The following WDR19 variants were observed in gnomAD, a reference collection of about 807,000 sequenced individuals.
WDR19 encodes the protein WD repeat-containing protein 19.
Under a neutral mutation model 180.0 loss-of-function variants are expected in WDR19, and 121 were observed. That is an observed-to-expected ratio of 0.67 (90% CI 0.58 to 0.78). The LOEUF is 0.78. Among genes scored for constraint, WDR19 ranks in the 30% least tolerant of loss-of-function variants. The pLI is 0.00. For missense variants in WDR19, 1,450 were observed against 1,640.7 expected, an observed-to-expected ratio of 0.88 and a Z score of 2.01; for synonymous variants, 497 against 540.7, an observed-to-expected ratio of 0.92 and a Z score of 1.12.
chr4:39,249,086 A>C (rs894014864), intron 24 of WDR19, among the ~76,000 whole-genome samples: 3 of 152,230 alleles, frequency 2.0e-5, no homozygotes, highest in Admixed American at 6.5e-5. Context: ...TTGACCACAT[A>C]GTTGGAAGTA....
intron 4 of WDR19, among the ~76,000 whole-genome samples, chr4:39,193,197 T>C (rs1159272457): frequency 1.3e-5 from 2 of 151,130 alleles, no homozygotes; most frequent in African/African-American, 4.9e-5. Context: ...AGTCTCACTG[T>C]GTCGCCCAGG....
intron 14 of WDR19, 132 bp downstream of exon 14, chr4:39,218,237 T>A: frequency 8.8e-7 from 1 of 1,140,134 alleles, no homozygotes; most frequent in Non-Finnish European, 1.2e-6. Flanking sequence ...TATCTGTGAT[T>A]AATTATATAC....
At chr4:39,228,840 C>A in intron 17 of WDR19, 150 bp downstream of exon 17, 1 of 855,236 alleles carries the variant, frequency 1.2e-6, no homozygotes, top group Non-Finnish European at 1.7e-6. Flanking sequence ...AGTACAAGTG[C>A]AGTTGTGCTA....
rs1730524200 is a variant in WDR19, at chr4:39,228,538, T to C, written c.1830T>C (p.Pro610=). The stretch of plus-strand genomic sequence containing the variant: ...CCAAAGTTCCTTTTGCTCATAAACC[T>C]TTGCTGCTATATAATGGAGAGCTGA... ...GSTKVPFAHK[P]LLLYNGELTC... The change falls in exon 17 of 37, where the codon CCT becomes CCC. Residue 610 remains proline, a synonymous_variant. Coordinates refer to ENST00000399820, the MANE Select transcript of WDR19 (RefSeq NM_025132.4). The C allele has an allele frequency of 6.2e-7, 1 of 1,613,844 alleles. No homozygotes were observed.
At chr4:39,272,824 A>G (rs958731245) in intron 31 of WDR19, among the ~76,000 whole-genome samples, 156 bp from the exon 32 acceptor site, 1 of 152,208 alleles carries the variant, frequency 6.6e-6, no homozygotes, top group Non-Finnish European at 1.5e-5. Flanking sequence ...AAGAGAAAAA[A>G]GTGGAGGGAT....
chr4:39,228,728 G>T, intron 17 of WDR19, 38 bp downstream of exon 17: 13 of 1,470,474 alleles, frequency 8.8e-6, no homozygotes, highest in South Asian at 6.3e-5. Flanking sequence ...CTTCTCATTT[G>T]CTTTTGTGAT....
intron 21 of WDR19, among the ~76,000 whole-genome samples, chr4:39,243,359 C>T (rs1326797796): frequency 1.3e-5 from 2 of 151,922 alleles, no homozygotes; most frequent in Non-Finnish European, 2.9e-5. Context: ...ATTTTATAAG[C>T]AAAAAAATAT....
chr4:39,215,529 G>A (rs938202037), intron 10 of WDR19, among the ~76,000 whole-genome samples: 4 of 152,054 alleles, frequency 2.6e-5, no homozygotes, highest in African/African-American at 4.8e-5. Flanking sequence ...ATTTGATCTA[G>A]GTTTGTGTAA....
chr4:39,253,904 A>G lies in WDR19; in HGVS notation c.2877-2A>G. The G allele has an allele frequency of 6.3e-7, 1 of 1,594,546 alleles. No individual in the cohort carries two copies. Among genetic ancestry groups the G allele is most frequent in the Middle Eastern group, 1.7e-4 (1 of 5,976 alleles). On this transcript the variant is annotated splice_acceptor_variant, in intron 25 of 36. Coordinates refer to ENST00000399820, the MANE Select transcript of WDR19 (RefSeq NM_025132.4). LOFTEE classifies it high-confidence loss of function. ...CTAGCTAATTAAAGTACTTTGCTTTAGGTTTTTTCTACAGCTTGGTGACTA... is the reference window on the plus strand; with the variant it reads ...CTAGCTAATTAAAGTACTTTGCTTTGGGTTTTTTCTACAGCTTGGTGACTA...
At chr4:39,264,169 A>G (rs911300244) in intron 28 of WDR19, among the ~76,000 whole-genome samples, 2 of 152,308 alleles carry the variant, frequency 1.3e-5, no homozygotes, top group African/African-American at 4.8e-5. Flanking sequence ...ATTATTGCCC[A>G]TATTGAGGCC....
At chr4:39,281,238 G>T (rs6852518) in intron 36 of WDR19, among the ~76,000 whole-genome samples, 8,069 of 111,560 alleles carry the variant, frequency 0.072, 284 homozygotes, top group East Asian at 0.1. Flanking sequence ...TATATATATA[G>T]AGAGAGAGAG....
Position 39,224,987 on chromosome 4 carries a change from G to T in WDR19, c.1583G>T (p.Arg528Ile), listed in dbSNP as rs1288089064. The stretch of plus-strand genomic sequence containing the variant: ...ATTTTTCCCGACCCAAATGGGACCA[G>T]ATTAGTTTTCATTGATGAAAAAAGT... ...KKIFPDPNGTRLVFIDEKSDG... is the reference protein window; with the variant it reads ...KKIFPDPNGTILVFIDEKSDG... The change falls in exon 15 of 37, where the codon AGA (arginine) becomes ATA (isoleucine). Residue 528 changes from arginine to isoleucine, a missense_variant. Coordinates refer to ENST00000399820, the MANE Select transcript of WDR19 (RefSeq NM_025132.4). 4 of 1,572,568 alleles carry T rather than the reference G, an allele frequency of 2.5e-6. No individual in the cohort carries two copies. Among genetic ancestry groups the T allele is most frequent in the Non-Finnish European group, 3.4e-6 (4 of 1,159,466 alleles).
chr4:39,261,194 G>A (rs1365358985), intron 28 of WDR19, among the ~76,000 whole-genome samples: 2 of 145,912 alleles, frequency 1.4e-5, no homozygotes, highest in Admixed American at 1.4e-4. Context: ...GTTTTAGCAT[G>A]TTGGCCAGGC....
At chr4:39,218,963 T>C (rs1323516343) in intron 14 of WDR19, 1 of 152,230 alleles carries the variant, frequency 6.6e-6, no homozygotes, top group Non-Finnish European at 1.5e-5. Flanking sequence ...TCAGTATCAC[T>C]GTCTCCCACC....
intron 5 of WDR19, 199 bp downstream of exon 5, chr4:39,194,858 G>C: frequency 1.9e-6 from 1 of 524,592 alleles, no homozygotes; most frequent in South Asian, 2.9e-5. Context: ...AGGGTACATA[G>C]AATAGATTGA....
chr4:39,276,785 A>T (rs1009199619), intron 33 of WDR19, among the ~76,000 whole-genome samples: 1 of 152,192 alleles, frequency 6.6e-6, no homozygotes. Context: ...TATGAACTCC[A>T]GTTCCCAAAG....
In WDR19 at chr4:39,234,879, A is replaced by C; in HGVS notation, c.2363+4A>C. Reference sequence around the variant, plus strand: ...ATGCTATTCAGCTTGAATTCGCGTAAGTCTTTGTTTTTATACATTTCAGTC... The same window carrying C: ...ATGCTATTCAGCTTGAATTCGCGTACGTCTTTGTTTTTATACATTTCAGTC... On this transcript the variant is annotated splice_donor_region_variant and intron_variant, in intron 20 of 36. Transcript: ENST00000399820. 6.5e-7 allele frequency: 1 copy of C among 1,547,158 alleles called. No individual in the cohort carries two copies. The highest frequency in any genetic ancestry group is 8.8e-7 in the Non-Finnish European group (1 of 1,141,412).
chr4:39,276,954 T>G, intron 33 of WDR19, 66 bp from the exon 34 acceptor site: 1 of 1,597,492 alleles, frequency 6.3e-7, no homozygotes. Context: ...CAAATATGCT[T>G]TCTCTTTGCC....
intron 28 of WDR19, among the ~76,000 whole-genome samples, chr4:39,262,301 G>C (rs990042680): frequency 1.3e-5 from 2 of 152,202 alleles, no homozygotes; most frequent in Admixed American, 1.3e-4. Context: ...TGTTGCCCAG[G>C]TGGCACAATC....
Sources: gnomAD v4.1 joint callset for allele counts (sites outside exome capture counted in the v4.1 genomes callset) on GRCh38, gnomAD v4.1.1 for gene constraint, MANE v1.5 for transcripts, NCBI Gene and HGNC (gene_info 2026-07-23, HGNC 2026-07-21) for gene names.